Variants in CCR8 observed in about 807,000 individuals in gnomAD.
CCR8 encodes C-C chemokine receptor type 8.
For synonymous variants in CCR8, 156 were observed against 165.7 expected, an observed-to-expected ratio of 0.94 and a Z score of 0.45; for missense variants, 358 against 417.5, an observed-to-expected ratio of 0.86 and a Z score of 1.24.
intron 1 of CCR8, among the ~76,000 whole-genome samples, chr3:39,330,719 G>A (rs942970096): frequency 6.6e-6 from 1 of 151,798 alleles, no homozygotes; most frequent in African/African-American, 2.4e-5. Context: ...ATAAACTGAT[G>A]AATATCATGC....
Position 39,332,456 on chromosome 3 carries a change from A to G in CCR8, c.125A>G (p.Tyr42Cys), listed in dbSNP as rs536678459. The G allele has an allele frequency of 1.9e-6, 3 of 1,613,974 alleles. No homozygotes were observed. In the South Asian group the frequency reaches 3.3e-5, roughly 18 times the overall value. The change falls in exon 2 of 2, where the codon TAT becomes TGT. Residue 42 changes from tyrosine to cysteine, a missense_variant. By Grantham distance (194) the Tyr-to-Cys change is radical. Coordinates refer to ENST00000326306, the MANE Select transcript of CCR8 (RefSeq NM_005201.4). ...GGCAAGTTGCTCCTTGCTGTCTTTT[A>G]TTGCCTCCTGTTTGTATTCAGTCTT... ...TNGKLLLAVF[Y>C]CLLFVFSLLG... is the part of the protein sequence containing the mutation.
At position 39,332,876 on chromosome 3, in the gene CCR8, A is replaced by G. The variant is rs367640513; in HGVS notation, c.545A>G (p.Gln182Arg). The change falls in exon 2 of 2, where the codon CAG becomes CGG. Residue 182 changes from glutamine to arginine, a missense_variant. Physicochemically the swap from Gln to Arg is conservative, Grantham distance 43. Coordinates refer to ENST00000326306, the MANE Select transcript of CCR8 (RefSeq NM_005201.4). Reference protein sequence around the residue: ...YQVASEDGVLQCYSFYNQQTL... With the variant: ...YQVASEDGVLRCYSFYNQQTL... ...GTGGCCTCTGAAGATGGTGTTCTACAGTGTTATTCATTTTACAATCAACAG... is the reference window on the plus strand; with the variant it reads ...GTGGCCTCTGAAGATGGTGTTCTACGGTGTTATTCATTTTACAATCAACAG... The G allele has an allele frequency of 1.2e-6, 2 of 1,614,038 alleles. No homozygotes were observed. The highest frequency in any genetic ancestry group is 1.7e-6 in the Non-Finnish European group (2 of 1,180,026).
chr3:39,330,563 A>G, intron 1 of CCR8, among the ~76,000 whole-genome samples: 1 of 152,198 alleles, frequency 6.6e-6, no homozygotes, highest in East Asian at 1.9e-4. Context: ...GTCAAGTTTT[A>G]TAATTTTTAT....
chr3:39,332,997 G>A lies in CCR8; in HGVS notation c.666G>A (p.Leu222=), dbSNP rs1353872486. 2 of 1,614,140 alleles carry A rather than the reference G, an allele frequency of 1.2e-6. No homozygotes were observed. The change falls in exon 2 of 2, where the codon CTG becomes CTA. Residue 222 remains leucine, a synonymous_variant. Transcript: ENST00000326306. ...TIFMFCYIKI[L]HQLKRCQNHN... is the part of the protein sequence containing the mutation. ...TTATGTTCTGCTACATTAAAATCCT[G>A]CACCAGCTGAAGAGGTGTCAAAACC...
chr3:39,333,475 G>C lies in CCR8; in HGVS notation c.*76G>C. The C allele has an allele frequency of 1.2e-5, 15 of 1,217,604 alleles. No homozygotes were observed. The highest frequency in any genetic ancestry group is 1.7e-5 in the Non-Finnish European group (15 of 876,572). The allele number at this position is 1,217,604 out of a possible 1,614,324, so 75.4% of individuals were successfully genotyped here. ...TAGCAGTGAGCAAAGGTGTGGGTGT[G>C]AAAGGTTTCCAAAAAAAGTTCAGCA... On this transcript the variant is annotated 3_prime_UTR_variant, in exon 2 of 2. Coordinates refer to ENST00000326306, the MANE Select transcript of CCR8 (RefSeq NM_005201.4).
Position 39,332,715 on chromosome 3 carries a change from T to C in CCR8, c.384T>C (p.Ser128=). The C allele has an allele frequency of 6.2e-7, 1 of 1,614,104 alleles. No individual in the cohort carries two copies. Among genetic ancestry groups the C allele is most frequent in the Admixed American group, 1.7e-5 (1 of 60,020 alleles). Residue 128 remains serine (S), a synonymous_variant, in exon 2 of 2, where the codon AGT becomes AGC. Transcript: ENST00000326306. ...GCATGTTTTTCATCACCCTCATGAG[T>C]GTGGACAGGTACCTGGCTGTTGTCC... The part of the protein sequence containing the change: ...YSSMFFITLM[S]VDRYLAVVHA...
chr3:39,331,728 A>G (rs1413927885), intron 1 of CCR8, among the ~76,000 whole-genome samples: 2 of 148,716 alleles, frequency 1.3e-5, no homozygotes, highest in Admixed American at 1.3e-4. Context: ...TTGGCCTCCC[A>G]AAGTGCTGGG....
chr3:39,332,391 C>T lies in CCR8; in HGVS notation c.60C>T (p.Ile20=). 1 of 1,614,136 alleles carries T rather than the reference C, an allele frequency of 6.2e-7. No individual in the cohort carries two copies. Among genetic ancestry groups the T allele is most frequent in the Non-Finnish European group, 8.5e-7 (1 of 1,179,990 alleles). The change falls in exon 2 of 2, where the codon ATC becomes ATT. Residue 20 remains isoleucine (I), a synonymous_variant. Transcript: ENST00000326306. The part of the protein sequence containing the change: ...TTVTDYYYPD[I]FSSPCDAELI... ...TGACCGACTACTACTACCCTGATATCTTCTCAAGCCCCTGTGATGCGGAAC... is the reference window on the plus strand; with the variant it reads ...TGACCGACTACTACTACCCTGATATTTTCTCAAGCCCCTGTGATGCGGAAC...
rs917922986 is a variant in CCR8 at position 39,331,475 on chromosome 3, T to C, written c.-14-843T>C. Among the ~76,000 whole-genome samples, 3 of 152,098 alleles carry C rather than the reference T, an allele frequency of 2.0e-5. No homozygotes were observed. In the East Asian group the frequency reaches 5.8e-4, roughly 29 times the overall value. On this transcript the variant is annotated intron_variant, in intron 1 of 1. Coordinates refer to ENST00000326306, the MANE Select transcript of CCR8 (RefSeq NM_005201.4). ...GCCTTTTTTGGTTTTGTTTCTGTTT[T>C]CTTTTTTTTGAGACAGAGTCTCACT...
Position 39,332,325 on chromosome 3 carries a change from T to G in CCR8, c.-7T>G, listed in dbSNP as rs2041263060. ...ATGTGTCTCTGTGACCAGGTCCCGC[T>G]GCCTTGATGGATTATACACTTGACC... is the stretch of plus-strand genomic sequence containing the variant. On this transcript the variant is annotated 5_prime_UTR_variant, in exon 2 of 2. Transcript: ENST00000326306. 3.8e-6 allele frequency: 6 copies of G among 1,585,492 alleles called. No individual in the cohort carries two copies. Among genetic ancestry groups the G allele is most frequent in the Non-Finnish European group, 5.2e-6 (6 of 1,155,048 alleles).
At position 39,333,334 on chromosome 3, in the gene CCR8, T is replaced by A. The variant is rs1253160732; in HGVS notation, c.1003T>A (p.Cys335Ser). ...YLGRQMPRES[C>S]EKSSSCQQHS... The stretch of plus-strand genomic sequence containing the variant: ...AGGAAGACAAATGCCTAGGGAGAGC[T>A]GTGAAAAGTCATCATCCTGCCAGCA... Residue 335 changes from cysteine to serine, a missense_variant, in exon 2 of 2, where the codon TGT becomes AGT. Cys to Ser is a moderately radical substitution (Grantham distance 112, BLOSUM62 -1). Coordinates refer to ENST00000326306, the MANE Select transcript of CCR8 (RefSeq NM_005201.4). The A allele has an allele frequency of 2.5e-6, 4 of 1,613,928 alleles. No homozygotes were observed. In the East Asian group the frequency reaches 8.9e-5, roughly 36 times the overall value.
rs2041273084 is a variant in CCR8, at chr3:39,333,501, T to A, written c.*102T>A. On this transcript the variant is annotated 3_prime_UTR_variant, in exon 2 of 2. Transcript: ENST00000326306. ...AAAGGTTTCCAAAAAAAGTTCAGCA[T>A]GAAGGATGCCATATATGTTGTTGCC... 1.2e-6 allele frequency: 1 copy of A among 811,098 alleles called. No individual in the cohort carries two copies. Among genetic ancestry groups the A allele is most frequent in the Non-Finnish European group, 2.0e-6 (1 of 512,812 alleles). The allele number at this position is 811,098 out of a possible 1,614,324, so 50.2% of individuals were successfully genotyped here.
At chr3:39,331,403 CTCTT>C (rs2041254412) in intron 1 of CCR8, among the ~76,000 whole-genome samples, 1 of 152,160 alleles carries the variant, frequency 6.6e-6, no homozygotes, top group African/African-American at 2.4e-5. Flanking sequence ...TTTCTTGTGT[CTCTT>C]TCTCTTCTGT....
intron 1 of CCR8, among the ~76,000 whole-genome samples, chr3:39,332,048 T>A (rs2041260451): frequency 6.6e-6 from 1 of 152,074 alleles, no homozygotes; most frequent in Non-Finnish European, 1.5e-5. Context: ...CTTGAACCCC[T>A]GACCTCAGGT....
intron 1 of CCR8, among the ~76,000 whole-genome samples, chr3:39,332,117 G>A (rs535709515): frequency 2.0e-5 from 3 of 151,930 alleles, no homozygotes; most frequent in African/African-American, 4.8e-5. Flanking sequence ...CACAGCTCCC[G>A]GTCTATCATT....
chr3:39,330,864 G>A (rs1329035263), intron 1 of CCR8, among the ~76,000 whole-genome samples: 2 of 152,044 alleles, frequency 1.3e-5, no homozygotes. Flanking sequence ...ATATAAATAT[G>A]TAAAAGTACA....
At chr3:39,330,271 A>G (rs991966655) in intron 1 of CCR8, among the ~76,000 whole-genome samples, 2 of 152,202 alleles carry the variant, frequency 1.3e-5, no homozygotes, top group Non-Finnish European at 2.9e-5. Context: ...CTGTAGTCCC[A>G]GCTACTCAAG....
chr3:39,332,783 C>T lies in CCR8; in HGVS notation c.452C>T (p.Thr151Ile). 1.2e-6 allele frequency: 2 copies of T among 1,614,168 alleles called. No individual in the cohort carries two copies. The highest frequency in any genetic ancestry group is 1.7e-6 in the Non-Finnish European group (2 of 1,180,026). ...AAGGTGAGGACGATCAGGATGGGCA[C>T]AACGCTGTGCCTGGCAGTATGGCTA... ...ALKVRTIRMG[T>I]TLCLAVWLTA... Residue 151 changes from threonine to isoleucine, a missense_variant, in exon 2 of 2, where the codon ACA (threonine) becomes ATA (isoleucine). Physicochemically the swap from Thr to Ile is moderately conservative, Grantham distance 89. Coordinates refer to ENST00000326306, the MANE Select transcript of CCR8 (RefSeq NM_005201.4).
At chr3:39,331,444 G>A (rs1220986417) in intron 1 of CCR8, among the ~76,000 whole-genome samples, 1 of 151,978 alleles carries the variant, frequency 6.6e-6, no homozygotes, top group Non-Finnish European at 1.5e-5. Context: ...ATCAGATTAG[G>A]GCCCTGCCTT....
Sources: gnomAD v4.1 joint callset for allele counts (sites outside exome capture counted in the v4.1 genomes callset) on GRCh38, gnomAD v4.1.1 for gene constraint, MANE v1.5 for transcripts, NCBI Gene and HGNC (gene_info 2026-07-23, HGNC 2026-07-21) for gene names.